Variants in PITPNM3 observed in about 807,000 individuals in gnomAD.
PITPNM3 encodes the protein membrane-associated phosphatidylinositol transfer protein 3.
PITPNM3 carries 26 observed loss-of-function variants against 102.0 expected under a neutral mutation model. The ratio of observed to expected loss-of-function variants is 0.25; its 90% CI spans 0.19 to 0.35. The LOEUF is 0.35. Among genes scored for constraint, PITPNM3 ranks in the 10% least tolerant of loss-of-function variants. PITPNM3 has a pLI of 1.00. For missense variants in PITPNM3, 1,083 were observed against 1,346.1 expected (o/e 0.80, Z 3.06); for synonymous variants, 578 against 558.6 (o/e 1.03, Z -0.49).
rs534428306 is a variant in PITPNM3, at chr17:6,547,006, C to CAA, written c.23-8926_23-8925dup. 3.7e-3 allele frequency among the ~76,000 whole-genome samples: 509 copies of CAA among 136,288 alleles called. 3 individuals carry two copies. The highest frequency in any genetic ancestry group is 0.013 in the African/African-American group (468 of 36,856). The allele number at this position is 136,288 out of a possible 152,430, so 89.4% of individuals were successfully genotyped here. A position where few individuals can be genotyped will look rare whatever the true frequency, so the allele number is the denominator to read the frequency against. ...TGGGTGACAGAGCAAGACTCCGTCT[C>CAA]AAAAAAAAAAAAGAAAAAAGTCTGT... is the stretch of plus-strand genomic sequence containing the variant. On this transcript the variant is annotated intron_variant, in intron 1 of 19. Coordinates refer to ENST00000262483, the MANE Select transcript of PITPNM3 (RefSeq NM_031220.4).
At chr17:6,505,595 T>A (rs1907455314) in intron 3 of PITPNM3, among the ~76,000 whole-genome samples, 2 of 152,106 alleles carry the variant, frequency 1.3e-5, no homozygotes, top group Non-Finnish European at 2.9e-5. Flanking sequence ...AATACACAGG[T>A]CAGGGAGCGA....
At chr17:6,546,616 T>C (rs1910031509) in intron 1 of PITPNM3, among the ~76,000 whole-genome samples, 3 of 152,174 alleles carry the variant, frequency 2.0e-5, no homozygotes, top group African/African-American at 4.8e-5. Flanking sequence ...GCAACAACAC[T>C]GCTAGCCAAA....
chr17:6,511,116 A>G (rs905970948), intron 3 of PITPNM3, among the ~76,000 whole-genome samples: 1 of 152,174 alleles, frequency 6.6e-6, no homozygotes, highest in Non-Finnish European at 1.5e-5. Flanking sequence ...TCCTGTAGTG[A>G]TAGGAAACTT....
intron 1 of PITPNM3, among the ~76,000 whole-genome samples, chr17:6,547,688 G>A (rs1910095505): frequency 6.6e-6 from 1 of 152,134 alleles, no homozygotes; most frequent in Admixed American, 6.5e-5. Context: ...GGGAGGCCAG[G>A]TTGGAATCAG....
intron 1 of PITPNM3, among the ~76,000 whole-genome samples, chr17:6,553,905 C>T (rs1910454208): frequency 6.6e-6 from 1 of 152,172 alleles, no homozygotes; most frequent in South Asian, 2.1e-4. Context: ...TCTCCAAGGG[C>T]TCCCTCTGTT....
At chr17:6,548,761 G>A (rs1318748084) in intron 1 of PITPNM3, among the ~76,000 whole-genome samples, 3 of 152,090 alleles carry the variant, frequency 2.0e-5, no homozygotes, top group South Asian at 2.1e-4. Context: ...AGGACGTGAC[G>A]TGCTCTGCAA....
At chr17:6,466,264 C>T (rs1904763787) in intron 14 of PITPNM3, among the ~76,000 whole-genome samples, 1 of 152,226 alleles carries the variant, frequency 6.6e-6, no homozygotes, top group Non-Finnish European at 1.5e-5. Flanking sequence ...CGCCAAGAAA[C>T]ACTCCTCGGA....
chr17:6,483,781 G>T, intron 5 of PITPNM3, 29 bp from the exon 6 acceptor site: 1 of 1,600,696 alleles, frequency 6.2e-7, no homozygotes, highest in South Asian at 1.1e-5. Context: ...GGAATACAGA[G>T]AGAGAGGCGG....
intron 3 of PITPNM3, among the ~76,000 whole-genome samples, chr17:6,518,763 G>A (rs1001908772): frequency 6.6e-6 from 1 of 152,188 alleles, no homozygotes; most frequent in African/African-American, 2.4e-5. Context: ...AAGATGGAGG[G>A]ATGGGGAAAA....
intron 2 of PITPNM3, among the ~76,000 whole-genome samples, chr17:6,527,954 C>T (rs1008874685): frequency 6.6e-6 from 1 of 152,210 alleles, no homozygotes; most frequent in Non-Finnish European, 1.5e-5. Context: ...CCTGCATGGC[C>T]CAGGCCACTT....
At position 6,474,579 on chromosome 17, in the gene PITPNM3, C is replaced by T. The variant is rs1160472511; in HGVS notation, c.1111G>A (p.Glu371Lys). 4 of 1,578,054 alleles carry T rather than the reference C, an allele frequency of 2.5e-6. No individual in the cohort carries two copies. The Admixed American group carries it at 7.4e-5, about 29-fold the overall frequency. ...SSIHSSVLKD[E>K]SETPAAGGPQ... ...CCCCCAGCCGCCGGGGTCTCAGACT[C>T]ATCCTTTAGCACGCTGGAGTGGATG... Residue 371 changes from glutamate to lysine, a missense_variant, in exon 10 of 20, where the codon GAG becomes AAG. Glu to Lys is a moderately conservative substitution (Grantham distance 56, BLOSUM62 1). Transcript: ENST00000262483.
At position 6,472,909 on chromosome 17, in the gene PITPNM3, T is replaced by A; in HGVS notation, c.1259-82A>T. ...CTAGGAGGCTCCCTGGAATGCAGCC[T>A]GGAGTAGCCTACTCCCCTCTCAAGA... is the stretch of plus-strand genomic sequence containing the variant. On this transcript the variant is annotated intron_variant, in intron 10 of 19. Coordinates refer to ENST00000262483, the MANE Select transcript of PITPNM3 (RefSeq NM_031220.4). This position sits in a 1 kb window ranked among gnomAD's most constrained non-coding sequence, Gnocchi z 4.1. 6.6e-7 allele frequency: 1 copy of A among 1,509,830 alleles called. No individual in the cohort carries two copies. Among genetic ancestry groups the A allele is most frequent in the Non-Finnish European group, 9.1e-7 (1 of 1,102,144 alleles). 93.5% of individuals were successfully genotyped at this position (1,509,830 alleles called of 1,614,324 possible).
chr17:6,455,660 AG>A lies in PITPNM3; in HGVS notation c.2620-18del, dbSNP rs1914066211. Reference sequence around the variant, plus strand: ...GCTCAGGAACTGCGGAGGGCAGGGGAGGGCAGGGGAGGGCAGGGCAGGGCAG... The same window carrying A: ...GCTCAGGAACTGCGGAGGGCAGGGGAGGCAGGGGAGGGCAGGGCAGGGCAG... On this transcript the variant is annotated intron_variant, in intron 19 of 19. Transcript: ENST00000262483. 2.3e-6 allele frequency: 3 copies of A among 1,285,792 alleles called. No individual in the cohort carries two copies. Among genetic ancestry groups the A allele is most frequent in the Non-Finnish European group, 3.1e-6 (3 of 982,724 alleles). The allele number at this position is 1,285,792 out of a possible 1,614,324, so 79.6% of individuals were successfully genotyped here.
In PITPNM3 at chr17:6,474,530, A is replaced by C; in HGVS notation, c.1160T>G (p.Leu387Arg). 1 of 1,611,614 alleles carries C rather than the reference A, an allele frequency of 6.2e-7. No homozygotes were observed. Among genetic ancestry groups the C allele is most frequent in the Non-Finnish European group, 8.5e-7 (1 of 1,179,170 alleles). Residue 387 changes from leucine to arginine, a missense_variant, in exon 10 of 20, where the codon CTG becomes CGG. By Grantham distance (102) the Leu-to-Arg change is moderately radical. Transcript: ENST00000262483. ...AGGPQLPEVS[L>R]GRFDFDVSDF... ...GGACACATCGAAGTCAAAGCGGCCCAGGCTGACCTCAGGGAGCTGCGGCCC... is the reference window on the plus strand; with the variant it reads ...GGACACATCGAAGTCAAAGCGGCCCCGGCTGACCTCAGGGAGCTGCGGCCC...
chr17:6,489,837 C>G (rs965344750), intron 4 of PITPNM3, among the ~76,000 whole-genome samples: 22 of 152,170 alleles, frequency 1.4e-4, no homozygotes, highest in Admixed American at 1.2e-3. Flanking sequence ...AACCCCATCT[C>G]TACTAAAAAT....
chr17:6,556,534 TGCCGCCACCGCAGCC>T lies in PITPNM3; in HGVS notation c.-143_-129del. ...GCGCCCCCGCCCCGCTCGCCTCGGCTGCCGCCACCGCAGCCGCCGCCGCCTCGCCGCTCCCTCCCG... is the reference window on the plus strand; with the variant it reads ...GCGCCCCCGCCCCGCTCGCCTCGGCTGCCGCCGCCTCGCCGCTCCCTCCCG... On this transcript the variant is annotated 5_prime_UTR_variant, in exon 1 of 20. Coordinates refer to ENST00000262483, the MANE Select transcript of PITPNM3 (RefSeq NM_031220.4). The surrounding 1 kb of genome is among the most constrained non-coding windows in gnomAD (Gnocchi z 5.2). 1.7e-6 allele frequency: 1 copy of T among 575,950 alleles called. No homozygotes were observed. Among genetic ancestry groups the T allele is most frequent in the Non-Finnish European group, 2.2e-6 (1 of 461,758 alleles). 35.7% of individuals were successfully genotyped at this position (575,950 alleles called of 1,614,324 possible).
chr17:6,482,042 C>G (rs992818869), intron 6 of PITPNM3, among the ~76,000 whole-genome samples: 2 of 48,086 alleles, frequency 4.2e-5, no homozygotes, highest in African/African-American at 3.4e-4. Flanking sequence ...CTCTGTCTGT[C>G]TCTCTCTCTC....
intron 1 of PITPNM3, among the ~76,000 whole-genome samples, chr17:6,553,227 TC>T (rs1239391244): frequency 1.3e-5 from 2 of 152,086 alleles, no homozygotes; most frequent in Non-Finnish European, 2.9e-5. Flanking sequence ...TTCTGAATCC[TC>T]CCCACCCCTG....
chr17:6,465,160 C>T (rs1904700998), intron 14 of PITPNM3, among the ~76,000 whole-genome samples: 1 of 152,220 alleles, frequency 6.6e-6, no homozygotes, highest in Non-Finnish European at 1.5e-5. Flanking sequence ...AATTCTCCTG[C>T]CTCAGCCTCC....
Sources: allele counts gnomAD v4.1 joint callset (sites outside exome capture counted in the v4.1 genomes callset), GRCh38; gene constraint gnomAD v4.1.1; non-coding constraint Gnocchi (gnomAD v3.1); transcripts MANE v1.5; gene names NCBI Gene and HGNC (gene_info 2026-07-23, HGNC 2026-07-21).